The following RNF212B variants were observed in gnomAD, a reference collection of about 807,000 sequenced individuals.
RNF212B encodes the protein ring finger protein 212B, also known as E3 ubiquitin-protein ligase RNF212B.
RNF212B carries 52 observed loss-of-function variants against 55.5 expected under a neutral mutation model. The ratio of observed to expected loss-of-function variants is 0.94; its 90% CI spans 0.75 to 1.18. RNF212B has a LOEUF of 1.18. Among genes scored for constraint, RNF212B ranks in the 50% most tolerant of loss-of-function variants. The probability of loss-of-function intolerance (pLI) is 0.00; values close to 1 mark genes in which losing one functional copy is unlikely to be tolerated. For synonymous variants in RNF212B, 99 were observed against 121.4 expected (o/e 0.82, Z 1.21); for missense variants, 289 against 350.4 (o/e 0.82, Z 1.40).
chr14:23,244,916 A>T lies in RNF212B; in HGVS notation c.228+520A>T, dbSNP rs1883882299. Reference sequence around the variant, plus strand: ...GAATTTTAGGAAATATCTTTTCTTGATGTGTCATATGTTGGCATACAATTG... The same window carrying T: ...GAATTTTAGGAAATATCTTTTCTTGTTGTGTCATATGTTGGCATACAATTG... On this transcript the variant is annotated intron_variant, in intron 4 of 14. Coordinates refer to ENST00000430154, the MANE Select transcript of RNF212B (RefSeq NM_001282322.3). Among the ~76,000 whole-genome samples the T allele has an allele frequency of 2.6e-5, 4 of 152,198 alleles. No individual in the cohort carries two copies. In the South Asian group the frequency reaches 8.3e-4, roughly 32 times the overall value.
chr14:23,237,224 G>A (rs1017680516), upstream of RNF212B, among the ~76,000 whole-genome samples: 3 of 152,006 alleles, frequency 2.0e-5, no homozygotes, highest in Non-Finnish European at 4.4e-5. Context: ...CCGCCTTCCG[G>A]GTTCAAACGA....
intron 2 of RNF212B, among the ~76,000 whole-genome samples, chr14:23,225,005 G>A (rs916606098): frequency 6.6e-6 from 1 of 151,912 alleles, no homozygotes; most frequent in Non-Finnish European, 1.5e-5. Context: ...ATGAAAAGGT[G>A]CTCAACATCA....
intron 5 of RNF212B, chr14:23,259,422 C>T (rs1436352735): frequency 2.3e-5 from 3 of 129,770 alleles, no homozygotes; most frequent in Non-Finnish European, 5.0e-5. Flanking sequence ...GGTCTGGAAT[C>T]CTTTTTTTTT....
intron 2 of RNF212B, among the ~76,000 whole-genome samples, chr14:23,223,509 C>G (rs1301543844): frequency 6.6e-6 from 1 of 152,134 alleles, no homozygotes; most frequent in Non-Finnish European, 1.5e-5. Context: ...CGCCCGCCAT[C>G]AAGCCCGGCT....
At chr14:23,255,839 G>A (rs573269863) in intron 4 of RNF212B, among the ~76,000 whole-genome samples, 1 of 152,302 alleles carries the variant, frequency 6.6e-6, no homozygotes, top group South Asian at 2.1e-4. Flanking sequence ...TTAAAGTACT[G>A]TACTGAGGTA....
intron 4 of RNF212B, among the ~76,000 whole-genome samples, chr14:23,246,267 C>T (rs1417818950): frequency 6.6e-6 from 1 of 151,932 alleles, no homozygotes; most frequent in Non-Finnish European, 1.5e-5. Flanking sequence ...CAATTTCAAT[C>T]TTACTCATCT....
At position 23,272,932 on chromosome 14, in the gene RNF212B, G is replaced by GTATA; in HGVS notation, c.*41_*42insTATA. On this transcript the variant is annotated 3_prime_UTR_variant, in exon 15 of 15. Coordinates refer to ENST00000430154, the MANE Select transcript of RNF212B (RefSeq NM_001282322.3). Reference sequence around the variant, plus strand: ...TGATCTATACATGCTGCTGAAGGATGGACTGTAGCTTCCAGTACGCATTAG... The same window carrying GTATA: ...TGATCTATACATGCTGCTGAAGGATGTATAGACTGTAGCTTCCAGTACGCATTAG... The GTATA allele has an allele frequency of 1.6e-6, 2 of 1,225,240 alleles. No homozygotes were observed. Among genetic ancestry groups the GTATA allele is most frequent in the South Asian group, 2.9e-5 (2 of 69,396 alleles). 75.9% of individuals were successfully genotyped at this position (1,225,240 alleles called of 1,614,324 possible).
chr14:23,243,145 C>T, intron 2 of RNF212B, 111 bp from the exon 3 acceptor site: 1 of 710,668 alleles, frequency 1.4e-6, no homozygotes, highest in Non-Finnish European at 2.4e-6. Context: ...CAGTTAAGAA[C>T]CCTTTTTTTC....
chr14:23,264,116 A>G, intron 9 of RNF212B, 58 bp from the exon 10 acceptor site: 1 of 1,381,492 alleles, frequency 7.2e-7, no homozygotes, highest in South Asian at 1.3e-5. Flanking sequence ...AAACAACAAC[A>G]ATAAAAAGTA....
intron 12 of RNF212B, among the ~76,000 whole-genome samples, 150 bp from the exon 13 acceptor site, chr14:23,269,711 CAA>C (rs956501851): frequency 1.0e-4 from 13 of 127,430 alleles, no homozygotes; most frequent in Non-Finnish European, 1.7e-5. Context: ...GACCCTGTCT[CAA>C]AAAAAAAAAA....
At chr14:23,212,575 T>A (rs1008832633) in intron 2 of RNF212B, among the ~76,000 whole-genome samples, 4 of 151,838 alleles carry the variant, frequency 2.6e-5, no homozygotes, top group East Asian at 1.9e-4. Flanking sequence ...TATTTTATTT[T>A]ATTTATTTAT....
chr14:23,219,562 C>T (rs1242803854), intron 2 of RNF212B, among the ~76,000 whole-genome samples: 2 of 151,494 alleles, frequency 1.3e-5, no homozygotes, highest in Non-Finnish European at 1.5e-5. Flanking sequence ...ACCTCTGCCA[C>T]CTGGGTTCAA....
At position 23,262,974 on chromosome 14, in the gene RNF212B, A is replaced by G; in HGVS notation, c.524+4A>G. ...AGCATAGCAGTCAAGTGGTCAGGTAAACCTACACAGCAACATTAAAACTGT... is the reference window on the plus strand; with the variant it reads ...AGCATAGCAGTCAAGTGGTCAGGTAGACCTACACAGCAACATTAAAACTGT... On this transcript the variant is annotated splice_donor_region_variant and intron_variant, in intron 9 of 14. Coordinates refer to ENST00000430154, the MANE Select transcript of RNF212B (RefSeq NM_001282322.3). 6.5e-7 allele frequency: 1 copy of G among 1,550,086 alleles called. No individual in the cohort carries two copies. The highest frequency in any genetic ancestry group is 1.2e-5 in the South Asian group (1 of 84,058).
In RNF212B at chr14:23,238,777, A is replaced by ATCATC. The variant is rs1555316069; in HGVS notation, c.-2+722_-2+723insTCATC. 7.7e-4 allele frequency among the ~76,000 whole-genome samples: 104 copies of ATCATC among 134,774 alleles called. 1 individual carries two copies. Among genetic ancestry groups the ATCATC allele is most frequent in the Non-Finnish European group, 1.3e-3 (76 of 59,444 alleles). 88.4% of individuals were successfully genotyped at this position (134,774 alleles called of 152,430 possible). A position where few individuals can be genotyped will look rare whatever the true frequency, so the allele number is the denominator to read the frequency against. Reference sequence around the variant, plus strand: ...TAATAATAATAATAATAATAATAATAATAATCCCACAAAGAAACCTTACAA... The same window carrying ATCATC: ...TAATAATAATAATAATAATAATAATATCATCATAATCCCACAAAGAAACCTTACAA... On this transcript the variant is annotated intron_variant, in intron 1 of 14. Coordinates refer to ENST00000430154, the MANE Select transcript of RNF212B (RefSeq NM_001282322.3).
At chr14:23,263,113 A>T in intron 9 of RNF212B, 143 bp downstream of exon 9, 1 of 703,034 alleles carries the variant, frequency 1.4e-6, no homozygotes, top group Admixed American at 2.4e-5. Context: ...CCCTAAGCCA[A>T]ACTGTATCCA....
chr14:23,260,719 C>T (rs1403477348), intron 7 of RNF212B, 32 bp downstream of exon 7: 9 of 1,545,756 alleles, frequency 5.8e-6, no homozygotes, highest in Non-Finnish European at 7.9e-6. Flanking sequence ...ACTAGCCCAG[C>T]CCCCTGAAAA....
chr14:23,189,814 T>C (rs1877947058), intron 1 of RNF212B, among the ~76,000 whole-genome samples: 1 of 152,054 alleles, frequency 6.6e-6, no homozygotes, highest in Non-Finnish European at 1.5e-5. Flanking sequence ...TCTGAAAATA[T>C]GTGAAAAAAT....
intron 2 of RNF212B, among the ~76,000 whole-genome samples, chr14:23,197,083 G>A (rs555129676): frequency 4.2e-4 from 64 of 152,324 alleles, no homozygotes; most frequent in Admixed American, 9.2e-4. Context: ...CTGAATGAAT[G>A]TATATAGGAC....
intron 4 of RNF212B, among the ~76,000 whole-genome samples, chr14:23,252,842 G>T (rs1490903422): frequency 6.6e-6 from 1 of 152,140 alleles, no homozygotes; most frequent in African/African-American, 2.4e-5. Flanking sequence ...TTCTATTTAT[G>T]AGAACAATGA....
Sources: allele counts gnomAD v4.1 joint callset (sites outside exome capture counted in the v4.1 genomes callset), GRCh38; gene constraint gnomAD v4.1.1; transcripts MANE v1.5; gene names NCBI Gene and HGNC (gene_info 2026-07-23, HGNC 2026-07-21).